Variants in MTUS2 observed in about 807,000 individuals in gnomAD.
MTUS2 encodes microtubule associated scaffold protein 2.
Under a neutral mutation model 114.1 loss-of-function variants are expected in MTUS2, and 40 were observed. The ratio of observed to expected loss-of-function variants is 0.35; its 90% CI spans 0.27 to 0.46. MTUS2 has a LOEUF of 0.46. Ranked by LOEUF, MTUS2 falls within the 20% of genes least tolerant of loss-of-function variation. The pLI is 1.00. For missense variants in MTUS2, 1,679 were observed against 1,705.4 expected, an observed-to-expected ratio of 0.98 and a Z score of 0.27; for synonymous variants, 688 against 672.0, an observed-to-expected ratio of 1.02 and a Z score of -0.37.
intron 5 of MTUS2, among the ~76,000 whole-genome samples, chr13:29,218,181 T>G (rs968926613): frequency 6.6e-6 from 1 of 152,170 alleles, no homozygotes; most frequent in Admixed American, 6.5e-5. Context: ...CCCCAGTGTT[T>G]ACAGTGTCTT....
At chr13:29,261,818 G>A (rs1390208348) in intron 5 of MTUS2, among the ~76,000 whole-genome samples, 10 of 152,218 alleles carry the variant, frequency 6.6e-5, no homozygotes, top group Admixed American at 6.5e-4. Flanking sequence ...TAAAGTTAGA[G>A]TGTTCATGGA....
chr13:29,443,359 G>A (rs1362229271), intron 9 of MTUS2, among the ~76,000 whole-genome samples: 1 of 152,220 alleles, frequency 6.6e-6, no homozygotes, highest in Non-Finnish European at 1.5e-5. Context: ...GGTGCCGGGT[G>A]TGCCAAGTGC....
At chr13:29,167,670 C>T (rs1368303927) in intron 5 of MTUS2, among the ~76,000 whole-genome samples, 2 of 151,770 alleles carry the variant, frequency 1.3e-5, no homozygotes, top group Non-Finnish European at 2.9e-5. Context: ...GTTGAGCATC[C>T]CAAGTTTGAA....
At chr13:29,367,505 A>ATT (rs1870816125) in intron 8 of MTUS2, among the ~76,000 whole-genome samples, 1 of 152,170 alleles carries the variant, frequency 6.6e-6, no homozygotes, top group South Asian at 2.1e-4. Context: ...TTTTAGGAAG[A>ATT]TTAACGCAGT....
intron 2 of MTUS2, among the ~76,000 whole-genome samples, chr13:28,941,279 T>G (rs1882219281): frequency 6.6e-6 from 1 of 152,122 alleles, no homozygotes; most frequent in Non-Finnish European, 1.5e-5. Context: ...TGTCTATATT[T>G]ACTGTATTTA....
intron 5 of MTUS2, among the ~76,000 whole-genome samples, chr13:29,175,934 G>A (rs1239389370): frequency 1.3e-5 from 2 of 152,078 alleles, no homozygotes; most frequent in Non-Finnish European, 2.9e-5. Context: ...GAGCTCAACA[G>A]CCATATGTAT....
intron 6 of MTUS2, among the ~76,000 whole-genome samples, chr13:29,314,652 A>C (rs1237634619): frequency 6.6e-6 from 1 of 152,224 alleles, no homozygotes; most frequent in African/African-American, 2.4e-5. Flanking sequence ...AACAGCTTAA[A>C]ATGTGGAAGT....
chr13:29,181,229 T>C (rs112486738), intron 5 of MTUS2, among the ~76,000 whole-genome samples: 85,569 of 151,674 alleles, frequency 0.56, 24,319 homozygotes, highest in Admixed American at 0.57. Context: ...TGTGTAACCC[T>C]ATCAGCCACT....
chr13:29,026,588 G>A lies in MTUS2; in HGVS notation c.1890G>A (p.Lys630=). 6.2e-7 allele frequency: 1 copy of A among 1,613,918 alleles called. No homozygotes were observed. Among genetic ancestry groups the A allele is most frequent in the Non-Finnish European group, 8.5e-7 (1 of 1,179,868 alleles). The part of the protein sequence containing the change: ...VEKTEERTET[K]PIIMPKPKHV... ...AAACAGAGGAGAGGACAGAAACTAAGCCCATCATTATGCCCAAGCCCAAGC... is the reference window on the plus strand; with the variant it reads ...AAACAGAGGAGAGGACAGAAACTAAACCCATCATTATGCCCAAGCCCAAGC... The change falls in exon 3 of 16, where the codon AAG becomes AAA. Residue 630 remains lysine (K), a synonymous_variant. Coordinates refer to ENST00000612955, the MANE Select transcript of MTUS2 (RefSeq NM_001033602.4).
At chr13:28,826,929 C>T (rs532492089) in intron 1 of MTUS2, among the ~76,000 whole-genome samples, 15 of 152,258 alleles carry the variant, frequency 9.9e-5, no homozygotes, top group South Asian at 2.1e-4. Flanking sequence ...TCTGTAAATA[C>T]GGGAGAAGTA....
At chr13:28,882,310 AG>A (rs1237398979) in intron 2 of MTUS2, among the ~76,000 whole-genome samples, 1 of 152,198 alleles carries the variant, frequency 6.6e-6, no homozygotes, top group Non-Finnish European at 1.5e-5. Flanking sequence ...GGCCTCCCAA[AG>A]TGCTGGGGTT....
At chr13:29,052,417 G>A (rs1432836507) in intron 4 of MTUS2, among the ~76,000 whole-genome samples, 2 of 143,296 alleles carry the variant, frequency 1.4e-5, no homozygotes, top group Non-Finnish European at 3.0e-5. Flanking sequence ...GGAGGCGGAG[G>A]TTGCAGTGAG....
intron 8 of MTUS2, among the ~76,000 whole-genome samples, chr13:29,387,031 T>C (rs905614612): frequency 6.6e-6 from 1 of 152,228 alleles, no homozygotes; most frequent in Non-Finnish European, 1.5e-5. Context: ...AGATCTTTAC[T>C]TAGTGCTTAC....
chr13:28,866,636 T>G (rs949876082), intron 2 of MTUS2, among the ~76,000 whole-genome samples: 1 of 152,216 alleles, frequency 6.6e-6, no homozygotes, highest in Non-Finnish European at 1.5e-5. Context: ...TATCTTATCT[T>G]AAAGATGCCT....
intron 2 of MTUS2, among the ~76,000 whole-genome samples, chr13:28,956,005 G>A (rs1593331091): frequency 6.6e-6 from 1 of 151,354 alleles, no homozygotes; most frequent in African/African-American, 2.4e-5. Context: ...TGGTGCACCC[G>A]TTACCCCAGC....
At chr13:29,007,013 T>C (rs1885630921) in intron 2 of MTUS2, among the ~76,000 whole-genome samples, 1 of 152,214 alleles carries the variant, frequency 6.6e-6, no homozygotes, top group African/African-American at 2.4e-5. Flanking sequence ...CAAGTTCAGA[T>C]GTCCTGTTAT....
At chr13:29,261,047 G>T (rs1043714803) in intron 5 of MTUS2, among the ~76,000 whole-genome samples, 1 of 152,080 alleles carries the variant, frequency 6.6e-6, no homozygotes. Flanking sequence ...AAATCAGTGT[G>T]CTGAACAAGA....
chr13:29,450,033 C>T (rs2138731338), intron 9 of MTUS2, among the ~76,000 whole-genome samples: 1 of 152,302 alleles, frequency 6.6e-6, no homozygotes, highest in South Asian at 2.1e-4. Context: ...CCATGATGCC[C>T]CCCGACCACG....
intron 5 of MTUS2, among the ~76,000 whole-genome samples, chr13:29,165,041 G>A (rs1893257040): frequency 6.6e-6 from 1 of 152,086 alleles, no homozygotes; most frequent in African/African-American, 2.4e-5. Flanking sequence ...GGCTTGCTGT[G>A]GCCCTTAAAA....
Sources: gnomAD v4.1 joint callset for allele counts (sites outside exome capture counted in the v4.1 genomes callset) on GRCh38, gnomAD v4.1.1 for gene constraint, MANE v1.5 for transcripts, NCBI Gene and HGNC (gene_info 2026-07-23, HGNC 2026-07-21) for gene names.